The following OSTF1 variants were observed in gnomAD, a reference collection of about 807,000 sequenced individuals.
OSTF1 encodes the protein osteoclast-stimulating factor 1.
Under a neutral mutation model 37.2 loss-of-function variants are expected in OSTF1, and 27 were observed. That is an observed-to-expected ratio of 0.73 (90% CI 0.54 to 1.00). The LOEUF (loss-of-function observed/expected upper bound fraction) is 1.00, where lower values mean the gene tolerates loss of function less well. Ranked by LOEUF, OSTF1 falls within the 50% of genes least tolerant of loss-of-function variation. The pLI, the probability that OSTF1 is intolerant of heterozygous loss-of-function variation, is 0.00. For synonymous variants in OSTF1, 82 were observed against 89.2 expected, an observed-to-expected ratio of 0.92 and a Z score of 0.46; for missense variants, 232 against 253.8, an observed-to-expected ratio of 0.91 and a Z score of 0.58.
chr9:75,094,341 T>C (rs2118375385), intron 1 of OSTF1, among the ~76,000 whole-genome samples: 1 of 151,974 alleles, frequency 6.6e-6, no homozygotes, highest in East Asian at 1.9e-4. Flanking sequence ...TGACAGATAA[T>C]GTAAAACGCT....
Position 75,127,530 on chromosome 9 carries a change from G to C in OSTF1, c.82-39G>C. Reference sequence around the variant, plus strand: ...TCTATATAATCATATTCTAATTCATGAAAAATCACATGGAGTCAAACTTTT... The same window carrying C: ...TCTATATAATCATATTCTAATTCATCAAAAATCACATGGAGTCAAACTTTT... On this transcript the variant is annotated intron_variant, in intron 2 of 9. Transcript: ENST00000346234. 2.4e-6 allele frequency: 3 copies of C among 1,234,964 alleles called. No individual in the cohort carries two copies. In the South Asian group the frequency reaches 4.0e-5, roughly 16 times the overall value. 76.5% of individuals were successfully genotyped at this position (1,234,964 alleles called of 1,614,324 possible).
chr9:75,145,618 G>A (rs1213117427), intron 9 of OSTF1, among the ~76,000 whole-genome samples: 1 of 152,200 alleles, frequency 6.6e-6, no homozygotes, highest in Non-Finnish European at 1.5e-5. Context: ...AGTTAATGTA[G>A]CAAGGGCAGG....
At chr9:75,132,476 T>TA (rs1825776223) in intron 5 of OSTF1, among the ~76,000 whole-genome samples, 1 of 152,208 alleles carries the variant, frequency 6.6e-6, no homozygotes, top group Non-Finnish European at 1.5e-5. Flanking sequence ...GGAGGGATGT[T>TA]ACTGGCATCT....
At chr9:75,089,292 GA>G (rs1439254412) in intron 1 of OSTF1, among the ~76,000 whole-genome samples, 1 of 150,748 alleles carries the variant, frequency 6.6e-6, no homozygotes, top group Non-Finnish European at 1.5e-5. Flanking sequence ...GCTCCTGGTG[GA>G]AAGAATCTAG....
chr9:75,124,245 A>G (rs562561431), intron 2 of OSTF1, among the ~76,000 whole-genome samples: 4 of 152,238 alleles, frequency 2.6e-5, no homozygotes, highest in African/African-American at 4.8e-5. Context: ...TAAGTATCCA[A>G]CCCCTCAAGC....
In OSTF1 at chr9:75,088,550, C is replaced by G. The variant is rs1035372295; in HGVS notation, c.-143C>G. 6.8e-6 allele frequency: 6 copies of G among 875,986 alleles called. No individual in the cohort carries two copies. Among genetic ancestry groups the G allele is most frequent in the Non-Finnish European group, 1.1e-5 (6 of 553,732 alleles). 54.3% of individuals were successfully genotyped at this position (875,986 alleles called of 1,614,324 possible). A position where few individuals can be genotyped will look rare whatever the true frequency, so the allele number is the denominator to read the frequency against. ...CCGCTCTGCCTGCGTCCGCTCTTCCCGCAGCCAAGGGTGGGCGCCGGTCCT... is the reference window on the plus strand; with the variant it reads ...CCGCTCTGCCTGCGTCCGCTCTTCCGGCAGCCAAGGGTGGGCGCCGGTCCT... On this transcript the variant is annotated 5_prime_UTR_variant, in exon 1 of 10. Transcript: ENST00000346234.
chr9:75,146,575 G>T, intron 9 of OSTF1, 108 bp from the exon 10 acceptor site: 2 of 757,666 alleles, frequency 2.6e-6, no homozygotes, highest in Non-Finnish European at 4.5e-6. Flanking sequence ...CAATCCCTGG[G>T]TCAGATGGAA....
At chr9:75,139,060 T>TCTTGCTTTCTTGC (rs1187745291) in intron 8 of OSTF1, among the ~76,000 whole-genome samples, 1 of 142,802 alleles carries the variant, frequency 7.0e-6, no homozygotes. Context: ...CTTTCTTTTT[T>TCTTGCTTTCTTGC]TTTTGAAACT....
intron 1 of OSTF1, among the ~76,000 whole-genome samples, chr9:75,115,183 G>A (rs548915029): frequency 5.1e-4 from 77 of 152,228 alleles, no homozygotes; most frequent in Admixed American, 2.0e-4. Context: ...TAGTCTTCCC[G>A]TATCCCACCT....
At position 75,092,765 on chromosome 9, in the gene OSTF1, G is replaced by A. The variant is rs1336873234; in HGVS notation, c.34+4039G>A. On this transcript the variant is annotated intron_variant, in intron 1 of 9. Coordinates refer to ENST00000346234, the MANE Select transcript of OSTF1 (RefSeq NM_012383.5). ...CAATTACCCTCAGAACAGCGTCTCAGCTTCCGTTTGAAAAGTCTTGCTGTT... is the reference window on the plus strand; with the variant it reads ...CAATTACCCTCAGAACAGCGTCTCAACTTCCGTTTGAAAAGTCTTGCTGTT... Among the ~76,000 whole-genome samples the A allele has an allele frequency of 2.0e-5, 3 of 152,086 alleles. No individual in the cohort carries two copies. In the East Asian group the frequency reaches 5.8e-4, roughly 29 times the overall value.
Position 75,147,164 on chromosome 9 carries a change from T to G in OSTF1, c.*423T>G, listed in dbSNP as rs1826041472. ...AAATACTTAACAGAAAATTGTCAGCTATTCTGACAAAAATAAACATTTTGA... is the reference window on the plus strand; with the variant it reads ...AAATACTTAACAGAAAATTGTCAGCGATTCTGACAAAAATAAACATTTTGA... On this transcript the variant is annotated 3_prime_UTR_variant, in exon 10 of 10. Coordinates refer to ENST00000346234, the MANE Select transcript of OSTF1 (RefSeq NM_012383.5). 1 of 152,572 alleles carries G rather than the reference T, an allele frequency of 6.6e-6. No homozygotes were observed. The highest frequency in any genetic ancestry group is 1.5e-5 in the Non-Finnish European group (1 of 68,484). 9.5% of individuals were successfully genotyped at this position (152,572 alleles called of 1,614,324 possible). A position where few individuals can be genotyped will look rare whatever the true frequency, so the allele number is the denominator to read the frequency against.
chr9:75,091,136 A>C (rs972919321), intron 1 of OSTF1, among the ~76,000 whole-genome samples: 4 of 129,270 alleles, frequency 3.1e-5, no homozygotes, highest in African/African-American at 6.0e-5. Flanking sequence ...CCCAGGCTGG[A>C]GTGCAGTGGC....
chr9:75,146,486 C>T (rs1192581738), intron 9 of OSTF1, among the ~76,000 whole-genome samples, 197 bp from the exon 10 acceptor site: 1 of 152,198 alleles, frequency 6.6e-6, no homozygotes, highest in African/African-American at 2.4e-5. Flanking sequence ...CTGTGGAACG[C>T]ATCATCAGCC....
chr9:75,088,729 G>T lies in OSTF1; in HGVS notation c.34+3G>T, dbSNP rs529197639. ...GCCACCCAAACCAGTCAAACCAGGT[G>T]AGGGAGGTAAGGTAGGCGCTTGCCA... On this transcript the variant is annotated splice_donor_region_variant and intron_variant, in intron 1 of 9. Transcript: ENST00000346234. The T allele has an allele frequency of 6.2e-7, 1 of 1,607,524 alleles. No homozygotes were observed. The highest frequency in any genetic ancestry group is 8.5e-7 in the Non-Finnish European group (1 of 1,176,658).
chr9:75,144,250 G>A (rs1198889790), intron 9 of OSTF1, among the ~76,000 whole-genome samples: 1 of 152,138 alleles, frequency 6.6e-6, no homozygotes, highest in Non-Finnish European at 1.5e-5. Context: ...TAGCTTGAAG[G>A]CTGGTGTGAA....
At chr9:75,145,134 C>CCTGCCTATCTATCTATCTATCTAT (rs1449784150) in intron 9 of OSTF1, among the ~76,000 whole-genome samples, 2 of 110,978 alleles carry the variant, frequency 1.8e-5, no homozygotes, top group Non-Finnish European at 3.7e-5. Context: ...CATGTATCTG[C>CCTGCCTATCTATCTATCTATCTAT]CTGCCTATCT....
chr9:75,134,520 T>C (rs10869508), intron 7 of OSTF1, 125 bp downstream of exon 7: 52,222 of 573,044 alleles, frequency 0.091, 5,119 homozygotes, highest in African/African-American at 0.39. Context: ...AAAATTATAA[T>C]TGTACTAAAA....
At chr9:75,090,294 GGTGTGT>G (rs3837221) in intron 1 of OSTF1, among the ~76,000 whole-genome samples, 13,573 of 149,354 alleles carry the variant, frequency 0.091, 639 homozygotes, top group South Asian at 0.16. Flanking sequence ...GACATTGACA[GGTGTGT>G]GTGTGTGTGT....
At chr9:75,139,682 T>C (rs558859518) in intron 8 of OSTF1, among the ~76,000 whole-genome samples, 3 of 152,276 alleles carry the variant, frequency 2.0e-5, no homozygotes, top group Admixed American at 2.0e-4. Context: ...CTTGGCCTCC[T>C]AAAGTGCCAG....
Sources: allele counts gnomAD v4.1 joint callset (sites outside exome capture counted in the v4.1 genomes callset), GRCh38; gene constraint gnomAD v4.1.1; transcripts MANE v1.5; gene names NCBI Gene and HGNC (gene_info 2026-07-23, HGNC 2026-07-21).